Variants in LARP1B observed in about 807,000 individuals in gnomAD.
The protein encoded by LARP1B is la-related protein 1B.
In LARP1B, 76 loss-of-function variants were observed where a neutral mutation model predicts 114.2. The ratio of observed to expected loss-of-function variants is 0.67; its 90% confidence interval spans 0.55 to 0.81. The LOEUF is 0.81. Ranked by LOEUF, LARP1B falls within the 30% of genes least tolerant of loss-of-function variation. LARP1B has a pLI of 0.00. For missense variants in LARP1B, 1,014 were observed against 1,075.8 expected (o/e 0.94, Z 0.80); for synonymous variants, 345 against 348.0 (o/e 0.99, Z 0.10).
intron 9 of LARP1B, among the ~76,000 whole-genome samples, chr4:128,113,331 TC>T (rs1330713870): frequency 6.6e-6 from 1 of 151,756 alleles, no homozygotes. Context: ...TGATTTTTTT[TC>T]TTTTTCTTTT....
At chr4:128,073,418 C>CAAAAAA (rs776553862) in intron 1 of LARP1B, among the ~76,000 whole-genome samples, 8 of 42,914 alleles carry the variant, frequency 1.9e-4, no homozygotes, top group African/African-American at 7.4e-4. Context: ...GATTCCGTCT[C>CAAAAAA]AAAAAAAAAA....
chr4:128,181,401 C>T (rs1406995720), intron 15 of LARP1B, among the ~76,000 whole-genome samples: 2 of 152,080 alleles, frequency 1.3e-5, no homozygotes, highest in African/African-American at 4.8e-5. Flanking sequence ...TGGTCTCCAA[C>T]TGCTGACCTC....
At chr4:128,143,253 C>T (rs1728819949) in intron 11 of LARP1B, among the ~76,000 whole-genome samples, 1 of 152,118 alleles carries the variant, frequency 6.6e-6, no homozygotes, top group African/African-American at 2.4e-5. Context: ...CCACTGCACT[C>T]CGTGACAGAG....
At chr4:128,091,982 TTAAAG>T (rs1387736700) in intron 7 of LARP1B, among the ~76,000 whole-genome samples, 3 of 152,200 alleles carry the variant, frequency 2.0e-5, no homozygotes, top group Admixed American at 6.6e-5. Flanking sequence ...GGGAATGTGA[TTAAAG>T]TAGGTGTTTT....
chr4:128,199,492 G>A lies in LARP1B; in HGVS notation c.2057G>A (p.Cys686Tyr), dbSNP rs371552009. ...GCACCACTAGCAGGAAGTTATGGATGTACTCCTCATTCATTCCCAAAGTTC... is the reference window on the plus strand; with the variant it reads ...GCACCACTAGCAGGAAGTTATGGATATACTCCTCATTCATTCCCAAAGTTC... ...EGAPLAGSYG[C>Y]TPHSFPKFQH... Residue 686 changes from cysteine (C) to tyrosine (Y), a missense_variant, in exon 16 of 20, where the codon TGT (cysteine) becomes TAT (tyrosine). Cys to Tyr is a radical substitution (Grantham distance 194). Transcript: ENST00000326639. 6.2e-6 allele frequency: 10 copies of A among 1,603,090 alleles called. No homozygotes were observed. The highest frequency in any genetic ancestry group is 1.7e-4 in the Middle Eastern group (1 of 6,050).
chr4:128,184,226 T>C (rs1749543990), intron 15 of LARP1B, among the ~76,000 whole-genome samples: 2 of 152,238 alleles, frequency 1.3e-5, no homozygotes, highest in East Asian at 1.9e-4. Context: ...CAGAGAAAAC[T>C]TGGGAACAGA....
chr4:128,091,592 T>C (rs888886784), intron 7 of LARP1B, 80 bp downstream of exon 7: 118 of 1,176,582 alleles, frequency 1.0e-4, no homozygotes, highest in Non-Finnish European at 1.2e-4. Flanking sequence ...ATAATGAATA[T>C]GCTATAATTT....
chr4:128,221,182 G>GGGA (rs1262399996), intron 7 of LARP1B, among the ~76,000 whole-genome samples: 1 of 152,018 alleles, frequency 6.6e-6, no homozygotes, highest in African/African-American at 2.4e-5. Context: ...TAAATCTTTT[G>GGGA]GGAGGAAATT....
intron 12 of LARP1B, among the ~76,000 whole-genome samples, chr4:128,167,682 A>G (rs1467226828): frequency 1.3e-5 from 2 of 152,054 alleles, no homozygotes; most frequent in African/African-American, 4.8e-5. Flanking sequence ...ATTTATGTAT[A>G]TTATTTTGGG....
intron 11 of LARP1B, among the ~76,000 whole-genome samples, chr4:128,148,694 G>T (rs1044706842): frequency 1.3e-5 from 2 of 151,924 alleles, no homozygotes; most frequent in South Asian, 4.1e-4. Context: ...CAGTGGCGGG[G>T]TCTTGGCTCA....
intron 10 of LARP1B, among the ~76,000 whole-genome samples, chr4:128,119,285 A>G (rs887954950): frequency 6.6e-6 from 1 of 152,202 alleles, no homozygotes; most frequent in Admixed American, 6.5e-5. Context: ...TAAAACAAAA[A>G]AAGCAGTACT....
chr4:128,207,725 T>G (rs1213554660), intron 19 of LARP1B, among the ~76,000 whole-genome samples: 1 of 152,254 alleles, frequency 6.6e-6, no homozygotes, highest in Non-Finnish European at 1.5e-5. Flanking sequence ...AATGATCTTT[T>G]ATCCATATAA....
intron 17 of LARP1B, among the ~76,000 whole-genome samples, chr4:128,203,436 C>T (rs890153368): frequency 2.7e-4 from 40 of 150,128 alleles, no homozygotes; most frequent in African/African-American, 9.3e-4. Context: ...TGCAGTGTCG[C>T]GATCTCGGCT....
chr4:128,103,639 T>G (rs1249359698), intron 8 of LARP1B, among the ~76,000 whole-genome samples: 2 of 148,832 alleles, frequency 1.3e-5, no homozygotes, highest in African/African-American at 5.0e-5. Context: ...CTTGGCTCAC[T>G]ACAACCTCTG....
At chr4:128,062,027 T>C (rs533853868) in intron 1 of LARP1B, 43 of 984,844 alleles carry the variant, frequency 4.4e-5, no homozygotes, top group Non-Finnish European at 5.2e-5. Flanking sequence ...GCCGCCGCCG[T>C]CGCCGTTGCC....
chr4:128,068,375 CA>C (rs1763892267), intron 1 of LARP1B, among the ~76,000 whole-genome samples: 2 of 151,028 alleles, frequency 1.3e-5, no homozygotes, highest in Admixed American at 1.3e-4. Context: ...CGTAGGAGTA[CA>C]GTGACACAAT....
chr4:128,190,748 C>T (rs1171007571), intron 15 of LARP1B, among the ~76,000 whole-genome samples: 2 of 152,150 alleles, frequency 1.3e-5, no homozygotes, highest in Non-Finnish European at 2.9e-5. Flanking sequence ...ACCACTTTCC[C>T]TCATAAATTA....
chr4:128,114,961 G>A (rs918628091), intron 10 of LARP1B, among the ~76,000 whole-genome samples: 1 of 151,082 alleles, frequency 6.6e-6, no homozygotes, highest in African/African-American at 2.4e-5. Flanking sequence ...TTTTTGAGAT[G>A]GAGTCTTGCC....
At chr4:128,075,075 A>G (rs78710408) in intron 3 of LARP1B, 82 bp downstream of exon 3, 42,685 of 949,774 alleles carry the variant, frequency 0.045, 1,206 homozygotes, top group Middle Eastern at 0.079. Context: ...TTTACTTAAA[A>G]TGTAAAGAAT....
Sources: allele counts gnomAD v4.1 joint callset (sites outside exome capture counted in the v4.1 genomes callset), GRCh38; gene constraint gnomAD v4.1.1; transcripts MANE v1.5; gene names NCBI Gene and HGNC (gene_info 2026-07-23, HGNC 2026-07-21).